Variants in CSRNP3 observed in about 807,000 individuals in gnomAD.
CSRNP3 encodes cysteine and serine rich nuclear protein 3.
CSRNP3 carries 12 observed loss-of-function variants against 48.0 expected under a neutral mutation model. The observed-to-expected ratio is 0.25, with a 90% confidence interval of 0.16 to 0.41. The LOEUF (loss-of-function observed/expected upper bound fraction) is 0.41. Among genes scored for constraint, CSRNP3 ranks in the 10% least tolerant of loss-of-function variants. The pLI is 1.00. For missense variants in CSRNP3, 580 were observed against 724.4 expected, an observed-to-expected ratio of 0.80 and a Z score of 2.29; for synonymous variants, 263 against 269.7, an observed-to-expected ratio of 0.98 and a Z score of 0.24.
chr2:165,672,033 A>G (rs978620134), intron 5 of CSRNP3, among the ~76,000 whole-genome samples: 1 of 152,184 alleles, frequency 6.6e-6, no homozygotes, highest in East Asian at 1.9e-4. Flanking sequence ...TATCACTATC[A>G]GTATTTTGGT....
Position 165,527,119 on chromosome 2 carries a change from A to G in CSRNP3, c.-24+9158A>G, listed in dbSNP as rs187688596. Among the ~76,000 whole-genome samples the G allele has an allele frequency of 1.4e-3, 211 of 151,422 alleles. 1 individual carries two copies. Among genetic ancestry groups the G allele is most frequent in the African/African-American group, 4.8e-3 (200 of 41,396 alleles). ...AGGTGTTTTCACAGCATATTTTATG[A>G]TTAGGGAGCTATCTGAAATATACAC... On this transcript the variant is annotated intron_variant, in intron 3 of 6. Coordinates refer to ENST00000651982, the MANE Select transcript of CSRNP3 (RefSeq NM_001172173.2).
chr2:165,570,693 C>A (rs1488721183), intron 3 of CSRNP3, among the ~76,000 whole-genome samples: 1 of 151,574 alleles, frequency 6.6e-6, no homozygotes, highest in Non-Finnish European at 1.5e-5. Context: ...ATCTTAAGAA[C>A]CCAGAAGTAT....
intron 3 of CSRNP3, among the ~76,000 whole-genome samples, chr2:165,543,064 T>G (rs1421191561): frequency 6.6e-6 from 1 of 152,170 alleles, no homozygotes; most frequent in African/African-American, 2.4e-5. Context: ...CTGAGTAGAC[T>G]GAGGGTGACA....
At chr2:165,655,457 G>A (rs146570140) in intron 4 of CSRNP3, among the ~76,000 whole-genome samples, 6 of 152,232 alleles carry the variant, frequency 3.9e-5, no homozygotes, top group East Asian at 3.9e-4. Context: ...AAAGTTCCCC[G>A]CATAGTACAG....
At chr2:165,656,409 C>A (rs909065369) in intron 4 of CSRNP3, among the ~76,000 whole-genome samples, 3 of 152,006 alleles carry the variant, frequency 2.0e-5, no homozygotes, top group Non-Finnish European at 2.9e-5. Context: ...AATAAAGGCT[C>A]CCATCATTAC....
Position 165,595,041 on chromosome 2 carries a change from AG to A in CSRNP3, c.-23del, listed in dbSNP as rs1685786813. 6.2e-7 allele frequency: 1 copy of A among 1,612,566 alleles called. No individual in the cohort carries two copies. Among genetic ancestry groups the A allele is most frequent in the Admixed American group, 1.7e-5 (1 of 59,960 alleles). On this transcript the variant is annotated splice_acceptor_variant, in intron 3 of 6. Coordinates refer to ENST00000651982, the MANE Select transcript of CSRNP3 (RefSeq NM_001172173.2). LOFTEE classifies it low-confidence loss of function (5UTR_SPLICE). ...GCTCTGTTGCTCTCCTTCCTGTTAC[AG>A]GTACATGTGACAGCACTGCAGCGAT...
intron 4 of CSRNP3, among the ~76,000 whole-genome samples, chr2:165,641,156 A>T (rs1573937884): frequency 6.6e-6 from 1 of 152,208 alleles, no homozygotes; most frequent in African/African-American, 2.4e-5. Context: ...ATGGAAACCT[A>T]TTGCTGTAGT....
At chr2:165,511,822 CT>C (rs1285814099) in intron 2 of CSRNP3, among the ~76,000 whole-genome samples, 1 of 152,120 alleles carries the variant, frequency 6.6e-6, no homozygotes, top group Non-Finnish European at 1.5e-5. Flanking sequence ...AAAGTTATGT[CT>C]TGTTTTCATG....
At chr2:165,612,556 A>G (rs1686156464) in intron 4 of CSRNP3, among the ~76,000 whole-genome samples, 1 of 151,830 alleles carries the variant, frequency 6.6e-6, no homozygotes, top group African/African-American at 2.4e-5. Flanking sequence ...TCTATTCATC[A>G]ACGTCTTCCT....
intron 5 of CSRNP3, among the ~76,000 whole-genome samples, chr2:165,660,707 A>G (rs1018484430): frequency 6.6e-6 from 1 of 152,196 alleles, no homozygotes; most frequent in African/African-American, 2.4e-5. Context: ...GAGCCAAAAG[A>G]CCACTCTATT....
At chr2:165,546,994 G>A (rs1334533204) in intron 3 of CSRNP3, among the ~76,000 whole-genome samples, 5 of 152,034 alleles carry the variant, frequency 3.3e-5, no homozygotes, top group Non-Finnish European at 7.4e-5. Flanking sequence ...CATATATTAA[G>A]CAAAAAGTGA....
At chr2:165,634,948 A>C (rs2105329485) in intron 4 of CSRNP3, among the ~76,000 whole-genome samples, 1 of 152,362 alleles carries the variant, frequency 6.6e-6, no homozygotes, top group East Asian at 1.9e-4. Flanking sequence ...GAGTGCTAAC[A>C]GTCCCTGATG....
At chr2:165,494,706 T>C (rs1348735856) in intron 1 of CSRNP3, 53 bp from the exon 2 acceptor site, 1 of 162,658 alleles carries the variant, frequency 6.1e-6, no homozygotes, top group Non-Finnish European at 1.4e-5. Context: ...ACTTTGACTA[T>C]GCAATCAGCA....
intron 3 of CSRNP3, among the ~76,000 whole-genome samples, chr2:165,536,017 A>T (rs1684877460): frequency 6.6e-6 from 1 of 151,892 alleles, no homozygotes; most frequent in Non-Finnish European, 1.5e-5. Context: ...TCATTCATCC[A>T]TAGTTCCCTG....
chr2:165,596,135 A>ATTTTTT (rs11317294), intron 4 of CSRNP3, among the ~76,000 whole-genome samples: 1 of 120,516 alleles, frequency 8.3e-6, no homozygotes, highest in African/African-American at 3.0e-5. Flanking sequence ...TTTCTTTTTG[A>ATTTTTT]TTTTTTTTTT....
At chr2:165,590,334 G>A (rs1014784729) in intron 3 of CSRNP3, among the ~76,000 whole-genome samples, 31 of 152,164 alleles carry the variant, frequency 2.0e-4, no homozygotes, top group African/African-American at 7.5e-4. Context: ...ATGAATTTGG[G>A]AGTATTCTTA....
At chr2:165,623,806 T>C (rs1002906635) in intron 4 of CSRNP3, among the ~76,000 whole-genome samples, 81 of 152,340 alleles carry the variant, frequency 5.3e-4, no homozygotes, top group African/African-American at 1.7e-3. Flanking sequence ...ATTCTACTTA[T>C]AGGTAGCTGT....
At chr2:165,520,793 A>G (rs1298092881) in intron 3 of CSRNP3, among the ~76,000 whole-genome samples, 1 of 13,936 alleles carries the variant, frequency 7.2e-5, no homozygotes, top group African/African-American at 4.8e-4. Flanking sequence ...TTATATATAT[A>G]TATATATATA....
intron 4 of CSRNP3, among the ~76,000 whole-genome samples, chr2:165,653,892 A>C (rs988316525): frequency 6.8e-6 from 1 of 147,980 alleles, no homozygotes; most frequent in African/African-American, 2.5e-5. Flanking sequence ...GAATCATTTG[A>C]ACCCAGGAGG....
Sources: gnomAD v4.1 joint callset for allele counts (sites outside exome capture counted in the v4.1 genomes callset) on GRCh38, gnomAD v4.1.1 for gene constraint, MANE v1.5 for transcripts, NCBI Gene and HGNC (gene_info 2026-07-23, HGNC 2026-07-21) for gene names.